The following GLG1 variants were observed in gnomAD, a reference collection of about 807,000 sequenced individuals.
The protein encoded by GLG1 is golgi glycoprotein 1.
GLG1 carries 38 observed loss-of-function variants against 160.5 expected under a neutral mutation model. The ratio of observed to expected loss-of-function variants is 0.24; its 90% CI spans 0.18 to 0.31. The LOEUF is 0.31. GLG1 is among the 10% of genes least tolerant of loss of function. GLG1 has a pLI of 1.00. For synonymous variants in GLG1, 644 were observed against 543.4 expected (o/e 1.19, Z -2.57); for missense variants, 1,373 against 1,505.2 (o/e 0.91, Z 1.45).
chr16:74,597,204 G>A (rs1050944762), intron 1 of GLG1, among the ~76,000 whole-genome samples: 16 of 148,560 alleles, frequency 1.1e-4, no homozygotes, highest in East Asian at 4.1e-4. Context: ...AGGCCGAGGC[G>A]GGAGGATCAC....
At chr16:74,536,396 C>T (rs920317776) in intron 1 of GLG1, among the ~76,000 whole-genome samples, 6 of 152,018 alleles carry the variant, frequency 3.9e-5, no homozygotes, top group African/African-American at 1.4e-4. Flanking sequence ...AAGAAATTAG[C>T]CAACAAGTAT....
intron 10 of GLG1, 64 bp from the exon 11 acceptor site, chr16:74,480,458 A>C: frequency 4.3e-5 from 55 of 1,273,028 alleles, no homozygotes; most frequent in Non-Finnish European, 5.2e-5. Context: ...ACACAGGCTC[A>C]GGGTTTTTAT....
rs1199814593 is a variant in GLG1 at position 74,606,989 on chromosome 16, G to C, written c.106C>G (p.His36Asp). The C allele has an allele frequency of 6.2e-7, 1 of 1,606,700 alleles. No homozygotes were observed. Among genetic ancestry groups the C allele is most frequent in the Non-Finnish European group, 8.5e-7 (1 of 1,178,428 alleles). The change falls in exon 1 of 26, where the codon CAC (histidine) becomes GAC (aspartate). Residue 36 changes from histidine to aspartate, a missense_variant. His to Asp is a moderately conservative substitution (Grantham distance 81). Around this residue, in one of 4 missense-constraint regions of GLG1, gnomAD observed 322 missense variants for 254.6 expected, o/e 1.26. Transcript: ENST00000422840. ...GCCCCGGGACCCTGGCCCTGGCTGTGGACGCCCTGGCCGGGGAGTTTCTCG... is the reference window on the plus strand; with the variant it reads ...GCCCCGGGACCCTGGCCCTGGCTGTCGACGCCCTGGCCGGGGAGTTTCTCG... ...GAEKLPGQGV[H>D]SQGQGPGANF...
chr16:74,571,524 T>G (rs115982574), intron 1 of GLG1, among the ~76,000 whole-genome samples: 52 of 151,988 alleles, frequency 3.4e-4, no homozygotes, highest in African/African-American at 1.1e-3. Context: ...AATAATAAAA[T>G]TAGCCAGGTG....
intron 1 of GLG1, among the ~76,000 whole-genome samples, chr16:74,592,072 C>A (rs1158518169): frequency 6.6e-6 from 1 of 152,206 alleles, no homozygotes; most frequent in Non-Finnish European, 1.5e-5. Flanking sequence ...CTGGCTTATG[C>A]AATCTGCCAC....
At position 74,607,054 on chromosome 16, in the gene GLG1, G is replaced by A. The variant is rs780009268; in HGVS notation, c.41C>T (p.Ser14Leu). 6.9e-6 allele frequency: 11 copies of A among 1,588,066 alleles called. No individual in the cohort carries two copies. Among genetic ancestry groups the A allele is most frequent in the East Asian group, 4.6e-5 (2 of 43,774 alleles). Residue 14 changes from serine (S) to leucine (L), a missense_variant, in exon 1 of 26, where the codon TCG (serine) becomes TTG (leucine). Transcript: ENST00000422840. ...CGRVRRMFRL[S>L]AALHLLLLFA... ...TAGCAGCAGCAGATGCAGCGCCGCC[G>A]ACAAGCGGAACATCCTCCGTACACG...
At chr16:74,572,664 T>C (rs1166431573) in intron 1 of GLG1, among the ~76,000 whole-genome samples, 1 of 152,210 alleles carries the variant, frequency 6.6e-6, no homozygotes, top group Admixed American at 6.5e-5. Flanking sequence ...CCTCGCCCTA[T>C]GCACCTCTTC....
chr16:74,487,620 A>T (rs1471515731), intron 8 of GLG1, among the ~76,000 whole-genome samples: 1 of 152,038 alleles, frequency 6.6e-6, no homozygotes, highest in Non-Finnish European at 1.5e-5. Flanking sequence ...TACCAATGTT[A>T]CTTATGACAT....
intron 2 of GLG1, among the ~76,000 whole-genome samples, chr16:74,511,038 G>A (rs1004016781): frequency 2.0e-5 from 3 of 152,190 alleles, no homozygotes; most frequent in African/African-American, 7.2e-5. Context: ...GAGGGAACCA[G>A]AAGTCCAATG....
chr16:74,474,000 C>T (rs902474273), intron 13 of GLG1, among the ~76,000 whole-genome samples: 4 of 152,076 alleles, frequency 2.6e-5, no homozygotes, highest in African/African-American at 9.7e-5. Context: ...GTTGCCCAGG[C>T]TGGAGTACAG....
intron 1 of GLG1, among the ~76,000 whole-genome samples, chr16:74,540,854 AG>A (rs1365518811): frequency 6.6e-6 from 1 of 152,180 alleles, no homozygotes; most frequent in African/African-American, 2.4e-5. Flanking sequence ...ACAGCTATCA[AG>A]AGATAAAAGG....
chr16:74,553,760 AC>A (rs1356768467), intron 1 of GLG1, among the ~76,000 whole-genome samples: 1 of 152,134 alleles, frequency 6.6e-6, no homozygotes, highest in African/African-American at 2.4e-5. Context: ...GGCTTGAGCC[AC>A]CGTGCCAGGC....
intron 1 of GLG1, among the ~76,000 whole-genome samples, chr16:74,581,149 C>A (rs1325681801): frequency 6.6e-6 from 1 of 151,256 alleles, no homozygotes; most frequent in Non-Finnish European, 1.5e-5. Flanking sequence ...GGGTATATAC[C>A]AAAAAAAAGT....
intron 12 of GLG1, among the ~76,000 whole-genome samples, chr16:74,475,138 C>T (rs1597241223): frequency 1.1e-5 from 1 of 87,626 alleles, no homozygotes; most frequent in Non-Finnish European, 2.0e-5. Flanking sequence ...GCCTGGGCAA[C>T]AAGAGTGAAA....
At chr16:74,480,715 CTCT>C (rs1299904074) in intron 10 of GLG1, among the ~76,000 whole-genome samples, 1 of 151,930 alleles carries the variant, frequency 6.6e-6, no homozygotes, top group Admixed American at 6.6e-5. Context: ...ACACACCAGG[CTCT>C]TTTTTGATAT....
Position 74,451,944 on chromosome 16 carries a change from A to C in GLG1, c.*1223T>G. On this transcript the variant is annotated 3_prime_UTR_variant, in exon 26 of 26. Coordinates refer to ENST00000422840, the MANE Select transcript of GLG1 (RefSeq NM_001145667.2). The stretch of plus-strand genomic sequence containing the variant: ...GTACACGCAGCAAATGGACAGAAAG[A>C]AAAAAAACAGAGCAAATCCTCCATC... The C allele has an allele frequency of 1.2e-6, 1 of 829,116 alleles. No homozygotes were observed. Among genetic ancestry groups the C allele is most frequent in the Non-Finnish European group, 2.0e-6 (1 of 490,876 alleles). The allele number at this position is 829,116 out of a possible 1,614,324, so 51.4% of individuals were successfully genotyped here.
intron 6 of GLG1, among the ~76,000 whole-genome samples, chr16:74,493,349 G>A (rs1268614106): frequency 2.0e-5 from 3 of 152,234 alleles, no homozygotes; most frequent in African/African-American, 7.2e-5. Context: ...GGGGAACCTA[G>A]AAATTCTGTA....
chr16:74,540,589 T>A (rs1371395944), intron 1 of GLG1, among the ~76,000 whole-genome samples: 7 of 151,618 alleles, frequency 4.6e-5, no homozygotes, highest in African/African-American at 1.7e-4. Context: ...TTAAGTCTGC[T>A]GGGACTAAAA....
chr16:74,507,457 C>A (rs966255053), intron 3 of GLG1, among the ~76,000 whole-genome samples: 2 of 152,104 alleles, frequency 1.3e-5, no homozygotes, highest in East Asian at 3.9e-4. Flanking sequence ...CTACTTATGG[C>A]CGGGCACGGT....
Sources: gnomAD v4.1 joint callset for allele counts (sites outside exome capture counted in the v4.1 genomes callset) on GRCh38, gnomAD v4.1.1 for gene constraint, gnomAD v4.1.1 regional missense constraint, MANE v1.5 for transcripts, NCBI Gene and HGNC (gene_info 2026-07-23, HGNC 2026-07-21) for gene names.